RRM2: variants seen among roughly 807,000 people sequenced by gnomAD.
RRM2 encodes the protein ribonucleotide reductase regulatory subunit M2.
Under a neutral mutation model 45.9 loss-of-function variants are expected in RRM2, and 6 were observed. The ratio of observed to expected loss-of-function variants is 0.13; its 90% confidence interval spans 0.07 to 0.26. The LOEUF (loss-of-function observed/expected upper bound fraction) is 0.26, where lower values mean the gene tolerates loss of function less well. RRM2 is among the 10% of genes least tolerant of loss of function. The probability of loss-of-function intolerance (pLI) is 1.00; values close to 1 mark genes in which losing one functional copy is unlikely to be tolerated. For missense variants in RRM2, 343 were observed against 489.5 expected (o/e 0.70, Z 2.82); for synonymous variants, 177 against 173.0 (o/e 1.02, Z -0.18).
chr2:10,160,171 T>A (rs1393883737), intron 3 of RRM2, among the ~76,000 whole-genome samples: 1 of 152,196 alleles, frequency 6.6e-6, no homozygotes, highest in Non-Finnish European at 1.5e-5. Context: ...TTGCACATAG[T>A]TCGGGTTTCA....
intron 3 of RRM2, among the ~76,000 whole-genome samples, chr2:10,174,635 G>A (rs976442859): frequency 1.7e-4 from 26 of 151,526 alleles, no homozygotes; most frequent in African/African-American, 5.3e-4. Context: ...CACTTTGGGA[G>A]GACAAAGGAC....
At chr2:10,160,910 G>C (rs1275490255) in intron 3 of RRM2, among the ~76,000 whole-genome samples, 3 of 152,234 alleles carry the variant, frequency 2.0e-5, no homozygotes, top group Middle Eastern at 3.4e-3. Flanking sequence ...CAGGCTTTCT[G>C]AAGCTGGCCT....
rs549536921 is a variant in RRM2, at chr2:10,130,063, G to A, written c.*677G>A. The A allele has an allele frequency of 6.6e-6, 1 of 152,344 alleles. No homozygotes were observed. The highest frequency in any genetic ancestry group is 2.1e-4 in the South Asian group (1 of 4,830). 9.4% of individuals were successfully genotyped at this position (152,344 alleles called of 1,614,324 possible). On this transcript the variant is annotated 3_prime_UTR_variant, in exon 10 of 10. Coordinates refer to ENST00000304567, the MANE Select transcript of RRM2 (RefSeq NM_001034.4). Reference sequence around the variant, plus strand: ...TATCCTGTGGCTTGTGTAGTGTCCTGGGATTCTCTGCCCCCTCTGAGTAGA... The same window carrying A: ...TATCCTGTGGCTTGTGTAGTGTCCTAGGATTCTCTGCCCCCTCTGAGTAGA...
intron 3 of RRM2, chr2:10,156,311 C>T (rs943144262): frequency 5.9e-5 from 9 of 152,296 alleles, no homozygotes; most frequent in Middle Eastern, 3.4e-3. Flanking sequence ...CATTCAAAGC[C>T]GTTCTGGGCT....
intron 3 of RRM2, among the ~76,000 whole-genome samples, chr2:10,180,816 G>T (rs1367233932): frequency 6.6e-6 from 1 of 152,058 alleles, no homozygotes; most frequent in Non-Finnish European, 1.5e-5. Flanking sequence ...CGCTAGGCTG[G>T]AGTGCAGTGG....
intron 3 of RRM2, among the ~76,000 whole-genome samples, chr2:10,189,161 G>A (rs1005485488): frequency 6.6e-6 from 1 of 152,356 alleles, no homozygotes; most frequent in African/African-American, 2.4e-5. Flanking sequence ...CAGAACACAC[G>A]CCCTTCCCAC....
rs1182385094 is a variant in RRM2, at chr2:10,171,948, G to T, written n.482+29573G>T. On this transcript the variant is annotated intron_variant and non_coding_transcript_variant, in intron 3 of 3. Coordinates refer to the RRM2 transcript ENST00000381786. The surrounding 1 kb of genome is among the most constrained non-coding windows in gnomAD (Gnocchi z 4.1). Reference sequence around the variant, plus strand: ...GTGAGGTGTCCCCACCTGTCCAGAGGCTGGGAAAACTTAGGAGACGGTGCT... The same window carrying T: ...GTGAGGTGTCCCCACCTGTCCAGAGTCTGGGAAAACTTAGGAGACGGTGCT... 6.6e-6 allele frequency among the ~76,000 whole-genome samples: 1 copy of T among 152,148 alleles called. No homozygotes were observed. The highest frequency in any genetic ancestry group is 2.4e-5 in the African/African-American group (1 of 41,418).
rs1662891054 is a variant in RRM2 at position 10,131,068 on chromosome 2, T to C, written c.*1682T>C. On this transcript the variant is annotated 3_prime_UTR_variant, in exon 10 of 10. Coordinates refer to ENST00000304567, the MANE Select transcript of RRM2 (RefSeq NM_001034.4). ...TTCAGTATTTGAACGTCGTCCTGTT[T>C]ATTGTTAGTTTTCTTCATCATTTAT... 6.6e-6 allele frequency: 1 copy of C among 152,238 alleles called. No individual in the cohort carries two copies. Among genetic ancestry groups the C allele is most frequent in the Non-Finnish European group, 1.5e-5 (1 of 68,042 alleles). 9.4% of individuals were successfully genotyped at this position (152,238 alleles called of 1,614,324 possible).
At chr2:10,141,988 G>A (rs997078597) in intron 2 of RRM2, 1 of 1,569,804 alleles carries the variant, frequency 6.4e-7, no homozygotes, top group Non-Finnish European at 8.6e-7. Flanking sequence ...TGAAGACAAG[G>A]AAAGCAGGGA....
intron 3 of RRM2, among the ~76,000 whole-genome samples, chr2:10,175,388 C>A (rs1201921479): frequency 1.3e-5 from 2 of 152,184 alleles, no homozygotes; most frequent in Non-Finnish European, 2.9e-5. Flanking sequence ...TACACATAAA[C>A]TTTATCATCT....
chr2:10,174,885 A>G (rs903504160), intron 3 of RRM2, among the ~76,000 whole-genome samples: 27 of 151,710 alleles, frequency 1.8e-4, no homozygotes, highest in African/African-American at 5.8e-4. Flanking sequence ...AAAAAAAAAG[A>G]AAAAATGTTG....
intron 3 of RRM2, among the ~76,000 whole-genome samples, chr2:10,202,740 T>C (rs543175319): frequency 2.0e-5 from 3 of 152,274 alleles, no homozygotes; most frequent in Admixed American, 1.3e-4. Context: ...GCTGCTGTTT[T>C]TGGGGTGGAT....
At chr2:10,181,333 TC>T (rs1558399743) in intron 3 of RRM2, among the ~76,000 whole-genome samples, 1 of 152,226 alleles carries the variant, frequency 6.6e-6, no homozygotes, top group Non-Finnish European at 1.5e-5. Context: ...TCATCCCTTT[TC>T]TTCTCAATCA....
chr2:10,173,605 C>T (rs1663848507), intron 3 of RRM2, among the ~76,000 whole-genome samples: 2 of 152,252 alleles, frequency 1.3e-5, no homozygotes, highest in Non-Finnish European at 2.9e-5. Context: ...GGAGCCTCAC[C>T]TGGAATCGGC....
At chr2:10,186,332 T>A (rs1019771131) in intron 3 of RRM2, among the ~76,000 whole-genome samples, 58 of 151,690 alleles carry the variant, frequency 3.8e-4, no homozygotes, top group African/African-American at 1.3e-3. Context: ...TTTTTTTGTA[T>A]TTTTAGTAGA....
chr2:10,148,969 A>G (rs141583283), intron 3 of RRM2, among the ~76,000 whole-genome samples: 2 of 152,228 alleles, frequency 1.3e-5, no homozygotes, highest in African/African-American at 4.8e-5. Context: ...TGTCTTGAGC[A>G]ATATTTGATG....
At chr2:10,141,948 G>C (rs1386496276) in exon 2 of RRM2, 1 of 1,575,746 alleles carries the variant, frequency 6.3e-7, no homozygotes, top group Non-Finnish European at 8.6e-7. Context: ...CACCCACCCA[G>C]TGTGCGGTAA....
chr2:10,199,779 C>CAAAAAAAAAAAAAAAAAAAAAAAA (rs796262395), intron 3 of RRM2, among the ~76,000 whole-genome samples: 2 of 14,298 alleles, frequency 1.4e-4, no homozygotes, highest in African/African-American at 1.9e-4. Flanking sequence ...GACTCAGTCT[C>CAAAAAAAAAAAAAAAAAAAAAAAA]AAAAAAAAAA....
intron 3 of RRM2, among the ~76,000 whole-genome samples, chr2:10,162,249 T>C (rs1308145294): frequency 6.6e-6 from 1 of 152,062 alleles, no homozygotes; most frequent in Non-Finnish European, 1.5e-5. Flanking sequence ...TCTTGATGAA[T>C]AGAGAGGTGT....
Sources: allele counts gnomAD v4.1 joint callset (sites outside exome capture counted in the v4.1 genomes callset), GRCh38; gene constraint gnomAD v4.1.1; non-coding constraint Gnocchi (gnomAD v3.1); transcripts MANE v1.5; gene names NCBI Gene and HGNC (gene_info 2026-07-23, HGNC 2026-07-21).